The following SEH1L variants were observed in gnomAD, a reference collection of about 807,000 sequenced individuals.
SEH1L encodes the protein nucleoporin SEH1.
Under a neutral mutation model 49.5 loss-of-function variants are expected in SEH1L, and 18 were observed. That is an observed-to-expected ratio of 0.36 (90% CI 0.25 to 0.54). The LOEUF is 0.54. Ranked by LOEUF, SEH1L falls within the 20% of genes least tolerant of loss-of-function variation. SEH1L has a pLI of 0.87. For missense variants in SEH1L, 404 were observed against 528.8 expected (o/e 0.76, Z 2.31); for synonymous variants, 169 against 178.1 (o/e 0.95, Z 0.41).
rs1470959482 is a variant in SEH1L at position 12,986,233 on chromosome 18, G to GT, written c.1071-628dup. 9.6e-5 allele frequency: 95 copies of GT among 985,196 alleles called. No homozygotes were observed. The Middle Eastern group carries it at 1.6e-3, about 16-fold the overall frequency. The allele number at this position is 985,196 out of a possible 1,614,324, so 61.0% of individuals were successfully genotyped here. ...TAAATATTTAAGTTTGCTAATATGCGTAAGTATTATCGGTAAGTTACAAGA... is the reference window on the plus strand; with the variant it reads ...TAAATATTTAAGTTTGCTAATATGCGTTAAGTATTATCGGTAAGTTACAAGA... On this transcript the variant is annotated intron_variant, in intron 8 of 8. Coordinates refer to ENST00000399892, the MANE Select transcript of SEH1L (RefSeq NM_001013437.2).
In SEH1L at chr18:12,953,106, A is replaced by G. The variant is rs2030646856; in HGVS notation, c.162+1201A>G. On this transcript the variant is annotated intron_variant, in intron 2 of 8. Transcript: ENST00000399892. ...CTGGTTTATCCTTTCTAGAAATTTC[A>G]TAGAAATGGAATTTTGAAATACATA... 3.9e-5 allele frequency among the ~76,000 whole-genome samples: 6 copies of G among 152,312 alleles called. No individual in the cohort carries two copies. In the South Asian group the frequency reaches 1.0e-3, roughly 26 times the overall value.
chr18:12,950,499 T>A (rs2030454089), intron 1 of SEH1L, among the ~76,000 whole-genome samples: 1 of 152,260 alleles, frequency 6.6e-6, no homozygotes, highest in Non-Finnish European at 1.5e-5. Context: ...TCCTCTGTTT[T>A]TCCTTTAACG....
At chr18:12,965,233 C>T (rs1479167858) in intron 4 of SEH1L, among the ~76,000 whole-genome samples, 10 of 151,934 alleles carry the variant, frequency 6.6e-5, no homozygotes, top group African/African-American at 1.2e-4. Flanking sequence ...AGGATGGTCT[C>T]GATCTCCTGA....
At chr18:12,957,803 A>G (rs966897398) in intron 3 of SEH1L, among the ~76,000 whole-genome samples, 17 of 152,068 alleles carry the variant, frequency 1.1e-4, no homozygotes, top group African/African-American at 2.9e-4. Context: ...TGCAGTCTCA[A>G]CCTCCTGGGC....
chr18:12,949,322 C>G (rs1026504461), intron 1 of SEH1L, among the ~76,000 whole-genome samples: 2 of 151,234 alleles, frequency 1.3e-5, no homozygotes, highest in African/African-American at 2.4e-5. Flanking sequence ...TTTTCACATT[C>G]GAGTTTGATA....
intron 6 of SEH1L, among the ~76,000 whole-genome samples, chr18:12,980,512 G>A (rs1369691263): frequency 7.4e-5 from 5 of 67,202 alleles, no homozygotes; most frequent in Non-Finnish European, 1.2e-4. Context: ...CTGGCCGGGC[G>A]GGGGGCTGAC....
intron 5 of SEH1L, chr18:12,977,820 T>G (rs2031988890): frequency 6.6e-6 from 1 of 152,236 alleles, no homozygotes; most frequent in Non-Finnish European, 1.5e-5. Flanking sequence ...GGCTAATAAA[T>G]CAAGCCCTTT....
intron 5 of SEH1L, chr18:12,974,704 G>A (rs1327065060): frequency 6.6e-6 from 1 of 152,228 alleles, no homozygotes; most frequent in East Asian, 1.9e-4. Context: ...GATTGATAGT[G>A]ATAATAGAAG....
chr18:12,980,043 C>T (rs1290284107), intron 6 of SEH1L, among the ~76,000 whole-genome samples: 1 of 136,044 alleles, frequency 7.4e-6, no homozygotes, highest in Non-Finnish European at 1.6e-5. Context: ...CTGACCCCCC[C>T]ACCTCCCTCC....
chr18:12,952,043 A>T, intron 2 of SEH1L, 138 bp downstream of exon 2: 1 of 481,900 alleles, frequency 2.1e-6, no homozygotes, highest in Non-Finnish European at 3.6e-6. Context: ...GTTTTTCGCT[A>T]TTAAAGTAAC....
At chr18:12,986,611 G>GTT (rs2032467567) in intron 8 of SEH1L, 11 of 1,083,984 alleles carry the variant, frequency 1.0e-5, no homozygotes, top group Non-Finnish European at 1.2e-5. Context: ...AACATTTTAA[G>GTT]TTTAACAGAT....
At chr18:12,986,493 C>G in intron 8 of SEH1L, 2 of 987,524 alleles carry the variant, frequency 2.0e-6, no homozygotes, top group Non-Finnish European at 2.4e-6. Flanking sequence ...AAAAACTTAA[C>G]TAGATCTGTA....
intron 1 of SEH1L, 72 bp downstream of exon 1, chr18:12,948,304 C>T (rs1598933661): frequency 1.8e-6 from 2 of 1,106,230 alleles, no homozygotes; most frequent in East Asian, 4.9e-5. Context: ...GCGCGGGGAA[C>T]GGGGCTGTGT....
At chr18:12,968,756 G>A (rs1450364083) in intron 4 of SEH1L, among the ~76,000 whole-genome samples, 10 of 152,142 alleles carry the variant, frequency 6.6e-5, no homozygotes, top group Admixed American at 6.5e-4. Flanking sequence ...AGATCCAGGT[G>A]ATCTGTCTAC....
chr18:12,986,572 T>C, intron 8 of SEH1L: 1 of 974,438 alleles, frequency 1.0e-6, no homozygotes, highest in Non-Finnish European at 1.2e-6. Flanking sequence ...AATTAATGTT[T>C]TTCTTTGTAA....
intron 1 of SEH1L, among the ~76,000 whole-genome samples, chr18:12,950,017 A>ATTTTTT (rs573168396): frequency 1.2e-4 from 18 of 149,180 alleles, no homozygotes; most frequent in African/African-American, 4.2e-4. Context: ...ACTTAGTATA[A>ATTTTTT]TTTTTTTTTT....
intron 5 of SEH1L, chr18:12,972,953 C>T (rs1283989070): frequency 1.3e-5 from 2 of 152,212 alleles, no homozygotes; most frequent in Non-Finnish European, 2.9e-5. Context: ...TGCCTGCCAT[C>T]TCAGCACTTT....
intron 6 of SEH1L, 37 bp from the exon 7 acceptor site, chr18:12,982,481 T>C (rs2032309982): frequency 6.4e-7 from 1 of 1,556,698 alleles, no homozygotes; most frequent in African/African-American, 1.4e-5. Flanking sequence ...TTTAAAACTT[T>C]GTTTGGAATG....
chr18:12,951,333 T>G (rs1178505554), intron 1 of SEH1L, among the ~76,000 whole-genome samples: 2 of 152,254 alleles, frequency 1.3e-5, no homozygotes, highest in African/African-American at 2.4e-5. Context: ...TGTTACCTAA[T>G]AGAGCTCAGC....
Sources: allele counts gnomAD v4.1 joint callset (sites outside exome capture counted in the v4.1 genomes callset), GRCh38; gene constraint gnomAD v4.1.1; transcripts MANE v1.5; gene names NCBI Gene and HGNC (gene_info 2026-07-23, HGNC 2026-07-21).